CUBN: variants seen among roughly 807,000 people sequenced by gnomAD.
CUBN encodes the protein cubilin.
In CUBN, 282 loss-of-function variants were observed where a neutral mutation model predicts 405.3. That is an observed-to-expected ratio of 0.70 (90% CI 0.63 to 0.77). The LOEUF (loss-of-function observed/expected upper bound fraction) is 0.77, where lower values mean the gene tolerates loss of function less well. Ranked by LOEUF, CUBN falls within the 30% of genes least tolerant of loss-of-function variation. CUBN has a pLI of 0.00. For synonymous variants in CUBN, 1,684 were observed against 1,617.0 expected (o/e 1.04, Z -0.99); for missense variants, 4,514 against 4,475.2 (o/e 1.01, Z -0.25).
At chr10:17,107,185 C>T (rs569942873) in intron 10 of CUBN, among the ~76,000 whole-genome samples, 37 of 152,266 alleles carry the variant, frequency 2.4e-4, no homozygotes, top group Non-Finnish European at 4.1e-4. Flanking sequence ...AGTTTTCTTA[C>T]GCAATGTTAG....
intron 35 of CUBN, 113 bp downstream of exon 35, chr10:16,948,365 G>C: frequency 7.2e-7 from 1 of 1,393,926 alleles, no homozygotes; most frequent in South Asian, 1.2e-5. Context: ...TTGGCCCAGA[G>C]GTGATCTCAG....
At chr10:17,085,951 TTCTC>T (rs1836099305) in intron 15 of CUBN, among the ~76,000 whole-genome samples, 192 bp from the exon 16 acceptor site, 3 of 150,458 alleles carry the variant, frequency 2.0e-5, no homozygotes, top group East Asian at 1.9e-4. Flanking sequence ...CCCCAATGCC[TTCTC>T]TCTGTCTGAA....
chr10:17,115,510 A>G lies in CUBN; in HGVS notation c.681T>C (p.His227=), dbSNP rs368186603. The G allele has an allele frequency of 3.1e-6, 5 of 1,614,036 alleles. No homozygotes were observed. Among genetic ancestry groups the G allele is most frequent in the Admixed American group, 1.7e-5 (1 of 60,004 alleles). The change falls in exon 7 of 67, where the codon CAT becomes CAC. Residue 227 remains histidine, a synonymous_variant. Coordinates refer to ENST00000377833, the MANE Select transcript of CUBN (RefSeq NM_001081.4). ...CTCGCATTAAATCCTCACAGATGCCATGGACACAGCGTGCCACAGAACCCC... is the reference window on the plus strand; with the variant it reads ...CTCGCATTAAATCCTCACAGATGCCGTGGACACAGCGTGCCACAGAACCCC... ...CEGGSVARCV[H]GICEDLMREQ... is the part of the protein sequence containing the mutation.
chr10:16,906,251 G>T lies in CUBN; in HGVS notation c.7864C>A (p.Leu2622Ile). ...SISIHFEDFY[L>I]ESHQDCQFDV... Reference sequence around the variant, plus strand: ...AATTGACAGTCTTGGTGACTTTCTAGGTAAAAATCTTCAAAGTGAATGGAA... The same window carrying T: ...AATTGACAGTCTTGGTGACTTTCTATGTAAAAATCTTCAAAGTGAATGGAA... Residue 2622 changes from leucine to isoleucine, a missense_variant, in exon 50 of 67, where the codon CTA becomes ATA. This residue lies in a region of CUBN where 1,613 missense variants were observed against 1,542.8 expected (regional missense o/e 1.05). Coordinates refer to ENST00000377833, the MANE Select transcript of CUBN (RefSeq NM_001081.4). 6.2e-7 allele frequency: 1 copy of T among 1,614,114 alleles called. No individual in the cohort carries two copies. Among genetic ancestry groups the T allele is most frequent in the Non-Finnish European group, 8.5e-7 (1 of 1,179,968 alleles).
intron 36 of CUBN, among the ~76,000 whole-genome samples, chr10:16,946,000 T>C (rs1323493355): frequency 6.6e-6 from 1 of 152,136 alleles, no homozygotes. Context: ...GATGCACAGA[T>C]TAGCAAGTCT....
In CUBN at chr10:17,071,928, C is replaced by A; in HGVS notation, c.2345G>T (p.Gly782Val). The A allele has an allele frequency of 6.2e-7, 1 of 1,613,110 alleles. No individual in the cohort carries two copies. Among genetic ancestry groups the A allele is most frequent in the South Asian group, 1.1e-5 (1 of 91,004 alleles). The part of the protein sequence containing the change: ...ETLLGKVCGN[G>V]TISHIKSITN... ...AATGGATTTAATGTGAGAGATGGTT[C>A]CGTTGCCACAGACTTTTCCAAGTAA... is the stretch of plus-strand genomic sequence containing the variant. Residue 782 changes from glycine (G) to valine (V), a missense_variant, in exon 18 of 67, where the codon GGA becomes GTA. By Grantham distance (109) the Gly-to-Val change is moderately radical. Transcript: ENST00000377833.
At chr10:16,849,284 G>A (rs956709657) in intron 60 of CUBN, among the ~76,000 whole-genome samples, 25 of 152,060 alleles carry the variant, frequency 1.6e-4, no homozygotes, top group African/African-American at 6.0e-4. Flanking sequence ...TTCATGACGC[G>A]TCTGTTCTTT....
At chr10:16,982,427 G>A in intron 31 of CUBN, 57 bp downstream of exon 31, 2 of 1,431,656 alleles carry the variant, frequency 1.4e-6, no homozygotes, top group Non-Finnish European at 2.0e-6. Flanking sequence ...ATGCTTATAT[G>A]GCAGTGTTTT....
rs1433321724 is a variant in CUBN at position 16,840,327 on chromosome 10, T to C, written c.10032+3A>G. 8.1e-6 allele frequency: 13 copies of C among 1,613,354 alleles called. No homozygotes were observed. Among genetic ancestry groups the C allele is most frequent in the Non-Finnish European group, 1.1e-5 (13 of 1,179,336 alleles). On this transcript the variant is annotated splice_donor_region_variant and intron_variant, in intron 62 of 66. Coordinates refer to ENST00000377833, the MANE Select transcript of CUBN (RefSeq NM_001081.4). ...TGACTGCCATTCATCTTATAATTGT[T>C]ACCTGCGGTGAGTCCTGAAGCTGTA... is the stretch of plus-strand genomic sequence containing the variant.
chr10:16,916,396 G>A (rs1317938996), intron 45 of CUBN, among the ~76,000 whole-genome samples: 1 of 152,202 alleles, frequency 6.6e-6, no homozygotes, highest in Non-Finnish European at 1.5e-5. Flanking sequence ...GGCCTGCCTA[G>A]TACCCTGTGT....
chr10:17,053,203 A>G (rs2131828951), intron 22 of CUBN, among the ~76,000 whole-genome samples: 1 of 152,238 alleles, frequency 6.6e-6, no homozygotes, highest in Non-Finnish European at 1.5e-5. Flanking sequence ...AACTACCATA[A>G]TGGTATGTTA....
At position 17,123,507 on chromosome 10, in the gene CUBN, G is replaced by T. The variant is rs1435729239; in HGVS notation, c.489+81C>A. 4 of 1,071,534 alleles carry T rather than the reference G, an allele frequency of 3.7e-6. No individual in the cohort carries two copies. The African/African-American group carries it at 4.7e-5, about 13-fold the overall frequency. The allele number at this position is 1,071,534 out of a possible 1,614,324, so 66.4% of individuals were successfully genotyped here. A position where few individuals can be genotyped will look rare whatever the true frequency, so the allele number is the denominator to read the frequency against. On this transcript the variant is annotated intron_variant, in intron 5 of 66. Transcript: ENST00000377833. ...CAGAATCCTAGAAACTTTAGATGGA[G>T]AATTAAATATGCCTGATGATTCCAA...
At chr10:17,067,536 T>C (rs1403488679) in intron 21 of CUBN, among the ~76,000 whole-genome samples, 3 of 152,056 alleles carry the variant, frequency 2.0e-5, no homozygotes, top group African/African-American at 4.8e-5. Flanking sequence ...AAGTGCCTAA[T>C]ATACATGAAA....
intron 6 of CUBN, 100 bp downstream of exon 6, chr10:17,122,695 G>C (rs1837071220): frequency 1.3e-6 from 1 of 750,350 alleles, no homozygotes; most frequent in Admixed American, 2.2e-5. Context: ...ACCAACTTTT[G>C]GTGGAATACA....
At chr10:16,916,169 T>A in intron 45 of CUBN, 139 bp from the exon 46 acceptor site, 2 of 754,404 alleles carry the variant, frequency 2.7e-6, no homozygotes, top group Non-Finnish European at 4.3e-6. Flanking sequence ...ATTGAAGTTT[T>A]AAAAATTCTG....
intron 19 of CUBN, among the ~76,000 whole-genome samples, chr10:17,070,160 C>A (rs1485804981): frequency 6.6e-6 from 1 of 152,168 alleles, no homozygotes. Context: ...GCATCATTTT[C>A]ATATATCAAT....
intron 27 of CUBN, 41 bp from the exon 28 acceptor site, chr10:17,020,024 T>C: frequency 6.2e-7 from 1 of 1,611,924 alleles, no homozygotes; most frequent in Non-Finnish European, 8.5e-7. Context: ...AAACACATGG[T>C]TTGTGGGATG....
intron 8 of CUBN, among the ~76,000 whole-genome samples, chr10:17,113,349 C>G (rs899167665): frequency 6.6e-6 from 1 of 152,086 alleles, no homozygotes; most frequent in African/African-American, 2.4e-5. Flanking sequence ...ATCCCTGGAG[C>G]GCAGATGAAC....
intron 43 of CUBN, among the ~76,000 whole-genome samples, chr10:16,920,683 G>A (rs1231143107): frequency 1.3e-5 from 2 of 152,120 alleles, no homozygotes; most frequent in Non-Finnish European, 2.9e-5. Flanking sequence ...AGAGGATAAA[G>A]GAGCTTTTTA....
Sources: gnomAD v4.1 joint callset for allele counts (sites outside exome capture counted in the v4.1 genomes callset) on GRCh38, gnomAD v4.1.1 for gene constraint, gnomAD v4.1.1 regional missense constraint, MANE v1.5 for transcripts, NCBI Gene and HGNC (gene_info 2026-07-23, HGNC 2026-07-21) for gene names.